The following NEK3 variants were observed in gnomAD, a reference collection of about 807,000 sequenced individuals.
NEK3 encodes NIMA related kinase 3, also known as serine/threonine-protein kinase Nek3.
NEK3 carries 54 observed loss-of-function variants against 66.0 expected under a neutral mutation model. The observed-to-expected ratio is 0.82, with a 90% CI of 0.66 to 1.03. NEK3 has a LOEUF of 1.03. NEK3 is among the 50% of genes least tolerant of loss of function. The pLI, the probability that NEK3 is intolerant of heterozygous loss-of-function variation, is 0.00. For missense variants in NEK3, 593 were observed against 603.0 expected (o/e 0.98, Z 0.17); for synonymous variants, 200 against 206.2 (o/e 0.97, Z 0.26).
intron 7 of NEK3, among the ~76,000 whole-genome samples, chr13:52,148,754 G>A (rs142269136): frequency 9.8e-4 from 149 of 152,302 alleles, no homozygotes; most frequent in African/African-American, 3.5e-3. Flanking sequence ...GATGATCACA[G>A]CTGGAAGAAG....
At chr13:52,151,104 G>T in intron 7 of NEK3, 42 bp downstream of exon 7, 2 of 1,515,314 alleles carry the variant, frequency 1.3e-6, no homozygotes, top group Non-Finnish European at 9.0e-7. Context: ...TAAAATGCCT[G>T]TCACCAAATG....
intron 5 of NEK3, among the ~76,000 whole-genome samples, chr13:52,152,349 T>A (rs930638830): frequency 4.6e-5 from 7 of 152,214 alleles, no homozygotes; most frequent in Non-Finnish European, 1.0e-4. Context: ...GCAACAGATA[T>A]GTTAATTACC....
intron 12 of NEK3, among the ~76,000 whole-genome samples, 176 bp downstream of exon 12, chr13:52,136,624 C>G (rs751261378): frequency 1.3e-5 from 2 of 151,934 alleles, no homozygotes; most frequent in African/African-American, 4.8e-5. Context: ...CTGATAAATG[C>G]TATTCTCTCT....
intron 15 of NEK3, among the ~76,000 whole-genome samples, 180 bp downstream of exon 15, chr13:52,133,509 G>A (rs1956172974): frequency 6.6e-6 from 1 of 151,808 alleles, no homozygotes; most frequent in Non-Finnish European, 1.5e-5. Flanking sequence ...ATATTGTAAG[G>A]CATTACCCAT....
At chr13:52,140,420 A>G (rs922165090) in intron 11 of NEK3, among the ~76,000 whole-genome samples, 3 of 152,008 alleles carry the variant, frequency 2.0e-5, no homozygotes, top group Non-Finnish European at 4.4e-5. Context: ...CATCCTGGCT[A>G]AAACAGTGAA....
At chr13:52,156,464 G>A (rs1051251005) in intron 1 of NEK3, 2 of 288,680 alleles carry the variant, frequency 6.9e-6, no homozygotes, top group Admixed American at 4.8e-5. Flanking sequence ...TATAAATGCA[G>A]GGCATAAATT....
At chr13:52,139,471 T>C (rs1386393729) in intron 11 of NEK3, among the ~76,000 whole-genome samples, 3 of 152,118 alleles carry the variant, frequency 2.0e-5, no homozygotes, top group Admixed American at 1.3e-4. Context: ...CTGTTTGGGA[T>C]GATAAAAAGT....
At position 52,133,110 on chromosome 13, in the gene NEK3, C is replaced by T. The variant is rs769282776; in HGVS notation, c.*32G>A. ...CATGAACTCCTGAGTGAAGCCTCTCCTCAGCGTGACTCAGGAACATTTCCT... is the reference window on the plus strand; with the variant it reads ...CATGAACTCCTGAGTGAAGCCTCTCTTCAGCGTGACTCAGGAACATTTCCT... On this transcript the variant is annotated 3_prime_UTR_variant, in exon 16 of 16. Coordinates refer to ENST00000610828, the MANE Select transcript of NEK3 (RefSeq NM_002498.3). 2 of 1,557,906 alleles carry T rather than the reference C, an allele frequency of 1.3e-6. No homozygotes were observed. The highest frequency in any genetic ancestry group is 8.8e-7 in the Non-Finnish European group (1 of 1,137,700).
At chr13:52,135,663 A>AT in intron 14 of NEK3, 66 bp downstream of exon 14, 1 of 1,397,278 alleles carries the variant, frequency 7.2e-7, no homozygotes, top group South Asian at 1.4e-5. Context: ...ATTTTATGTT[A>AT]TATATATTTG....
chr13:52,140,402 A>C (rs548871941), intron 11 of NEK3, among the ~76,000 whole-genome samples: 6 of 152,114 alleles, frequency 3.9e-5, no homozygotes, highest in Non-Finnish European at 8.8e-5. Context: ...AGGTGAGGAG[A>C]TCGAGACCAT....
chr13:52,149,359 C>T (rs569898094), intron 7 of NEK3, among the ~76,000 whole-genome samples: 2 of 152,266 alleles, frequency 1.3e-5, no homozygotes, highest in African/African-American at 4.8e-5. Context: ...TACAAGCACA[C>T]ACCACCAGGC....
chr13:52,151,351 G>C lies in NEK3; in HGVS notation c.435C>G (p.Asp145Glu). Residue 145 changes from aspartate (D) to glutamate (E), a missense_variant, in exon 6 of 16, where the codon GAC becomes GAG. Asp to Glu is a conservative substitution (Grantham distance 45). Coordinates refer to ENST00000610828, the MANE Select transcript of NEK3 (RefSeq NM_002498.3). ...TGGAGAGAAGACGGGCAGATCCAAA[G>C]TCTCCCAATTTCACTTTTCCATTCT... The part of the protein sequence containing the change: ...LTQNGKVKLG[D>E]FGSARLLSNP... 6.3e-7 allele frequency: 1 copy of C among 1,597,964 alleles called. No individual in the cohort carries two copies.
chr13:52,144,424 A>G (rs1218795584), intron 9 of NEK3, among the ~76,000 whole-genome samples: 1 of 152,210 alleles, frequency 6.6e-6, no homozygotes, highest in Non-Finnish European at 1.5e-5. Context: ...TCAAGAAAAA[A>G]AAGTACATAT....
At position 52,143,977 on chromosome 13, in the gene NEK3, T is replaced by G. The variant is rs1451553751; in HGVS notation, c.815A>C (p.Glu272Ala). 6.7e-7 allele frequency: 1 copy of G among 1,495,078 alleles called. No individual in the cohort carries two copies. Among genetic ancestry groups the G allele is most frequent in the East Asian group, 2.5e-5 (1 of 40,444 alleles). 92.6% of individuals were successfully genotyped at this position (1,495,078 alleles called of 1,614,324 possible). A position where few individuals can be genotyped will look rare whatever the true frequency, so the allele number is the denominator to read the frequency against. ...TTCTTCTAATACTTCCTCACCATAT[T>G]CCATGATGATCTGAAATTTAAAGTT... is the stretch of plus-strand genomic sequence containing the variant. ...QKCLPPEIIM[E>A]YGEEVLEEIK... Residue 272 changes from glutamate (E) to alanine (A), a missense_variant, in exon 10 of 16, where the codon GAA (glutamate) becomes GCA (alanine). Glu to Ala is a moderately radical substitution (Grantham distance 107, BLOSUM62 -1). Coordinates refer to ENST00000610828, the MANE Select transcript of NEK3 (RefSeq NM_002498.3).
chr13:52,135,803 G>A lies in NEK3; in HGVS notation c.1235C>T (p.Pro412Leu), dbSNP rs952424359. ...TTRKQWLKET[P>L]DTLLNILKNA... ...CTTAAGGATGTTCAACAAAGTGTCA[G>A]GGGTCTCTTTGAGCCACTGCTTACG... The change falls in exon 14 of 16, where the codon CCT (proline) becomes CTT (leucine). Residue 412 changes from proline (P) to leucine (L), a missense_variant. By Grantham distance (98) the Pro-to-Leu change is moderately conservative. Coordinates refer to ENST00000610828, the MANE Select transcript of NEK3 (RefSeq NM_002498.3). 2 of 1,613,530 alleles carry A rather than the reference G, an allele frequency of 1.2e-6. No individual in the cohort carries two copies. Among genetic ancestry groups the A allele is most frequent in the East Asian group, 2.2e-5 (1 of 44,858 alleles).
chr13:52,154,442 G>A (rs192832679), intron 2 of NEK3, among the ~76,000 whole-genome samples: 1 of 151,538 alleles, frequency 6.6e-6, no homozygotes, highest in Admixed American at 6.6e-5. Context: ...TTTAATATCA[G>A]CCTAAGTATC....
At chr13:52,140,314 A>C (rs1020106886) in intron 11 of NEK3, among the ~76,000 whole-genome samples, 1 of 151,910 alleles carries the variant, frequency 6.6e-6, no homozygotes, top group Non-Finnish European at 1.5e-5. Flanking sequence ...TATCATCAAT[A>C]ATCAAAAATG....
chr13:52,136,832 CT>C lies in NEK3; in HGVS notation c.997del (p.Ser333ValfsTer3). 1 of 1,569,568 alleles carries C rather than the reference CT, an allele frequency of 6.4e-7. No homozygotes were observed. On this transcript the variant is annotated frameshift_variant, in exon 12 of 16. Transcript: ENST00000610828. LOFTEE classifies it high-confidence loss of function. ...LESINENLVE[S>X]ALRRVNREEK... is the part of the protein sequence containing the mutation. ...TTCTCTGTTTACTCTTCTCAATGCA[CT>C]TTCAACTAAATTTTCATTAATGCTT...
intron 10 of NEK3, among the ~76,000 whole-genome samples, chr13:52,141,517 A>AC (rs1305160882): frequency 6.6e-6 from 1 of 152,124 alleles, no homozygotes; most frequent in East Asian, 1.9e-4. Flanking sequence ...TCAGGAGAGA[A>AC]CCCTGGCAAT....
Sources: allele counts gnomAD v4.1 joint callset (sites outside exome capture counted in the v4.1 genomes callset), GRCh38; gene constraint gnomAD v4.1.1; transcripts MANE v1.5; gene names NCBI Gene and HGNC (gene_info 2026-07-23, HGNC 2026-07-21).